MAPT: variants seen among roughly 807,000 people sequenced by gnomAD.
MAPT encodes the protein microtubule-associated protein tau.
A neutral mutation model predicts 67.9 loss-of-function variants in MAPT; 34 were observed. That is an observed-to-expected ratio of 0.50 (90% CI 0.38 to 0.67). The LOEUF is 0.67. Ranked by LOEUF, MAPT falls within the 30% of genes least tolerant of loss-of-function variation. The pLI is 0.00. For synonymous variants in MAPT, 456 were observed against 464.5 expected, an observed-to-expected ratio of 0.98 and a Z score of 0.23; for missense variants, 881 against 1,115.2, an observed-to-expected ratio of 0.79 and a Z score of 2.99.
chr17:45,919,062 A>C (rs2065447301), intron 1 of MAPT, among the ~76,000 whole-genome samples: 1 of 144,092 alleles, frequency 6.9e-6, no homozygotes, highest in Non-Finnish European at 1.6e-5. Flanking sequence ...ACTCTGTCTC[A>C]ATAAAAAAAA....
chr17:45,921,759 C>A (rs576981324), intron 1 of MAPT, among the ~76,000 whole-genome samples: 3 of 152,278 alleles, frequency 2.0e-5, no homozygotes, highest in Admixed American at 6.5e-5. Flanking sequence ...GGTTTAAACT[C>A]TATCTGGAGG....
rs1356540236 is a variant in MAPT at position 45,983,307 on chromosome 17, G to A, written c.728G>A (p.Arg243His). ...CCTGAGGGCCCCAGAGAGGCCACAC[G>A]CCAACCTTCGGGGACAGGACCTGAG... is the stretch of plus-strand genomic sequence containing the variant. ...LLPEGPREAT[R>H]QPSGTGPEDT... Residue 243 changes from arginine (R) to histidine (H), a missense_variant, in exon 5 of 13, where the codon CGC (arginine) becomes CAC (histidine). Arg to His is a conservative substitution (Grantham distance 29). Coordinates refer to ENST00000262410, the MANE Select transcript of MAPT (RefSeq NM_001377265.1). 4.4e-6 allele frequency: 7 copies of A among 1,599,948 alleles called. No homozygotes were observed. The highest frequency in any genetic ancestry group is 3.4e-5 in the South Asian group (3 of 89,116).
At chr17:45,934,869 TGGCC>T (rs1163109651) in intron 1 of MAPT, among the ~76,000 whole-genome samples, 1 of 150,182 alleles carries the variant, frequency 6.7e-6, no homozygotes, top group African/African-American at 2.4e-5. Flanking sequence ...CCTGGACCTA[TGGCC>T]TTTTTGAGTT....
intron 1 of MAPT, among the ~76,000 whole-genome samples, chr17:45,923,626 A>G (rs887513712): frequency 2.6e-5 from 4 of 152,256 alleles, no homozygotes; most frequent in Non-Finnish European, 5.9e-5. Flanking sequence ...TCAGCTTTGC[A>G]TGCGACCTTG....
At chr17:45,898,273 A>C (rs1444147906) in intron 1 of MAPT, 1 of 152,202 alleles carries the variant, frequency 6.6e-6, no homozygotes, top group Non-Finnish European at 1.5e-5. Flanking sequence ...ACAGTCCATG[A>C]CTGTTCCTGC....
At chr17:45,984,971 G>A (rs56363731) in intron 5 of MAPT, among the ~76,000 whole-genome samples, 22,064 of 152,206 alleles carry the variant, frequency 0.14, 2,144 homozygotes, top group Non-Finnish European at 0.22. Context: ...TTACTTTTAG[G>A]GAAAACTTTG....
intron 2 of MAPT, among the ~76,000 whole-genome samples, chr17:45,967,585 C>A (rs1350812816): frequency 6.6e-6 from 1 of 152,100 alleles, no homozygotes; most frequent in Non-Finnish European, 1.5e-5. Flanking sequence ...GCAGCCAGGG[C>A]CAGGTGTCCA....
At chr17:45,968,535 G>C (rs1362084508) in intron 2 of MAPT, among the ~76,000 whole-genome samples, 1 of 152,190 alleles carries the variant, frequency 6.6e-6, no homozygotes, top group Non-Finnish European at 1.5e-5. Flanking sequence ...TGCCACAGAG[G>C]GAGTGTTTGC....
intron 5 of MAPT, among the ~76,000 whole-genome samples, chr17:45,984,327 G>A (rs948492148): frequency 2.0e-5 from 3 of 152,198 alleles, no homozygotes; most frequent in African/African-American, 4.8e-5. Context: ...GGCATAAGCA[G>A]CCCCACTTTG....
chr17:45,985,173 C>CA (rs2073411605), intron 5 of MAPT, among the ~76,000 whole-genome samples: 1 of 151,962 alleles, frequency 6.6e-6, no homozygotes, highest in Non-Finnish European at 1.5e-5. Flanking sequence ...GGCGTGGTGG[C>CA]GGGCACCTGT....
intron 4 of MAPT, chr17:45,979,627 A>C (rs2072744430): frequency 6.6e-6 from 1 of 152,270 alleles, no homozygotes; most frequent in Non-Finnish European, 1.5e-5. Context: ...AGTGGCTATA[A>C]GAGAAGAACC....
chr17:45,979,221 T>A (rs769439891), intron 4 of MAPT: 1 of 152,206 alleles, frequency 6.6e-6, no homozygotes, highest in Admixed American at 6.5e-5. Flanking sequence ...ATCATAAATA[T>A]CTTAAGAAAA....
At chr17:45,980,514 A>AAAAAAAAAAAG (rs2072840550) in intron 4 of MAPT, 1 of 151,414 alleles carries the variant, frequency 6.6e-6, no homozygotes, top group Non-Finnish European at 1.5e-5. Flanking sequence ...TTTAAAAAAA[A>AAAAAAAAAAAG]AAAAAAAAAG....
rs527400715 is a variant in MAPT at position 45,913,677 on chromosome 17, A to G, written c.-18+18991A>G. Among the ~76,000 whole-genome samples the G allele has an allele frequency of 2.6e-5, 4 of 152,352 alleles. No individual in the cohort carries two copies. The East Asian group carries it at 7.7e-4, about 29-fold the overall frequency. On this transcript the variant is annotated intron_variant, in intron 1 of 12. Coordinates refer to ENST00000262410, the MANE Select transcript of MAPT (RefSeq NM_001377265.1). ...CGCTGGAGGAGCTTTCAAGGGAAGT[A>G]GATACACACTGTCTCCATCATTTCA...
rs1007314416 is a variant in MAPT at position 45,915,373 on chromosome 17, GGTGT to G, written c.-18+20691_-18+20694del. On this transcript the variant is annotated intron_variant, in intron 1 of 12. Coordinates refer to ENST00000262410, the MANE Select transcript of MAPT (RefSeq NM_001377265.1). The surrounding 1 kb of genome is among the most constrained non-coding windows in gnomAD (Gnocchi z 4.4). The stretch of plus-strand genomic sequence containing the variant: ...TGTATGTGTGACGTGAGGTGTGTGT[GGTGT>G]GTGAGTTGTGTATGGTGTGTGCATG... Among the ~76,000 whole-genome samples, 1 of 151,450 alleles carries G rather than the reference GGTGT, an allele frequency of 6.6e-6. No homozygotes were observed. Among genetic ancestry groups the G allele is most frequent in the African/African-American group, 2.4e-5 (1 of 41,184 alleles).
rs116800557 is a variant in MAPT at position 45,936,243 on chromosome 17, C to T, written c.-17-26078C>T. 6.3e-3 allele frequency among the ~76,000 whole-genome samples: 956 copies of T among 152,304 alleles called. 11 individuals are homozygous for T. Among genetic ancestry groups the T allele is most frequent in the African/African-American group, 0.022 (911 of 41,560 alleles). ...TCCAGGTCCCTGGTGGGGGTTAGTTCATGCCTTCCTCATAATCTGCCCACT... is the reference window on the plus strand; with the variant it reads ...TCCAGGTCCCTGGTGGGGGTTAGTTTATGCCTTCCTCATAATCTGCCCACT... On this transcript the variant is annotated intron_variant, in intron 1 of 12. Transcript: ENST00000262410.
rs1469579213 is a variant in MAPT at position 46,024,181 on chromosome 17, T to C, written c.*10T>C. On this transcript the variant is annotated 3_prime_UTR_variant, in exon 13 of 13. Transcript: ENST00000262410. ...CAAGCAGGGTTTGTGATCAGGCCCC[T>C]GGGGCGGTCAATAATTGTGGAGAGG... is the stretch of plus-strand genomic sequence containing the variant. 22 of 1,612,310 alleles carry C rather than the reference T, an allele frequency of 1.4e-5. No individual in the cohort carries two copies. The highest frequency in any genetic ancestry group is 1.8e-5 in the Non-Finnish European group (21 of 1,178,636).
chr17:45,954,487 G>A (rs745890578), intron 1 of MAPT, among the ~76,000 whole-genome samples: 3 of 152,142 alleles, frequency 2.0e-5, no homozygotes, highest in Admixed American at 2.0e-4. Context: ...GCCAGGCATG[G>A]TGGTGCACAC....
chr17:45,955,424 C>G (rs867084064), intron 1 of MAPT, among the ~76,000 whole-genome samples: 1 of 152,238 alleles, frequency 6.6e-6, no homozygotes, highest in Non-Finnish European at 1.5e-5. Flanking sequence ...CTCTACCCAT[C>G]CAATCGGCCC....
Sources: allele counts gnomAD v4.1 joint callset (sites outside exome capture counted in the v4.1 genomes callset), GRCh38; gene constraint gnomAD v4.1.1; non-coding constraint Gnocchi (gnomAD v3.1); transcripts MANE v1.5; gene names NCBI Gene and HGNC (gene_info 2026-07-23, HGNC 2026-07-21).